The following CPE variants were observed in gnomAD, a reference collection of about 807,000 sequenced individuals.
CPE encodes carbocypeptidase E.
CPE carries 17 observed loss-of-function variants against 53.5 expected under a neutral mutation model. The observed-to-expected ratio is 0.32, with a 90% CI of 0.22 to 0.48. The LOEUF is 0.48. CPE is among the 20% of genes least tolerant of loss of function. The probability of loss-of-function intolerance (pLI) is 0.99; values close to 1 mark genes in which losing one functional copy is unlikely to be tolerated. For synonymous variants in CPE, 226 were observed against 228.8 expected (o/e 0.99, Z 0.11); for missense variants, 524 against 614.7 (o/e 0.85, Z 1.56).
Position 165,383,350 on chromosome 4 carries a change from T to G in CPE, c.307+3822T>G, listed in dbSNP as rs184529203. 4.6e-3 allele frequency among the ~76,000 whole-genome samples: 700 copies of G among 152,322 alleles called. 3 individuals are homozygous for G. Among genetic ancestry groups the G allele is most frequent in the Middle Eastern group, 6.8e-3 (2 of 294 alleles). Reference sequence around the variant, plus strand: ...ATTCAAACCCAAACATATGCCTTCCTAGGCATGTATATCCATCATCGAAAT... The same window carrying G: ...ATTCAAACCCAAACATATGCCTTCCGAGGCATGTATATCCATCATCGAAAT... On this transcript the variant is annotated intron_variant, in intron 1 of 8. Transcript: ENST00000402744.
At chr4:165,497,483 A>C in intron 8 of CPE, 29 bp from the exon 9 acceptor site, 3 of 1,289,762 alleles carry the variant, frequency 2.3e-6, no homozygotes, top group Non-Finnish European at 3.1e-6. Flanking sequence ...GCAGTTTGAT[A>C]ATAATATGTT....
intron 1 of CPE, among the ~76,000 whole-genome samples, chr4:165,459,178 C>G (rs1339021391): frequency 1.3e-5 from 2 of 152,172 alleles, no homozygotes; most frequent in Non-Finnish European, 2.9e-5. Context: ...CATATTAATA[C>G]AAATTGGGGC....
Position 165,467,792 on chromosome 4 carries a change from A to T in CPE, c.609A>T (p.Lys203Asn), listed in dbSNP as rs1560891047. Residue 203 changes from lysine to asparagine, a missense_variant, in exon 3 of 9, where the codon AAA becomes AAT. By Grantham distance (94) the Lys-to-Asn change is moderately conservative. Coordinates refer to ENST00000402744, the MANE Select transcript of CPE (RefSeq NM_001873.4). ...ATAGGATAGTGTACGTGAATGAGAA[A>T]GAAGGTGGTCCAAATAATCATCTGT... ...DLDRIVYVNEKEGGPNNHLLK... is the reference protein window; with the variant it reads ...DLDRIVYVNENEGGPNNHLLK... The T allele has an allele frequency of 1.9e-6, 3 of 1,613,812 alleles. No homozygotes were observed. The highest frequency in any genetic ancestry group is 3.3e-5 in the Admixed American group (2 of 59,980).
intron 1 of CPE, among the ~76,000 whole-genome samples, chr4:165,411,908 A>G (rs1731048393): frequency 6.6e-6 from 1 of 152,130 alleles, no homozygotes; most frequent in African/African-American, 2.4e-5. Flanking sequence ...GGGGCCAGAG[A>G]GTCTCTACGT....
At chr4:165,426,206 A>G (rs1731315313) in intron 1 of CPE, among the ~76,000 whole-genome samples, 1 of 152,238 alleles carries the variant, frequency 6.6e-6, no homozygotes, top group African/African-American at 2.4e-5. Flanking sequence ...CAAGAAGGAT[A>G]TGAAGCAAGC....
At chr4:165,389,177 G>A (rs1343118972) in intron 1 of CPE, among the ~76,000 whole-genome samples, 1 of 152,190 alleles carries the variant, frequency 6.6e-6, no homozygotes, top group African/African-American at 2.4e-5. Context: ...ATACTATGTA[G>A]CTAAATAGAC....
intron 1 of CPE, among the ~76,000 whole-genome samples, chr4:165,446,260 G>A (rs1327451170): frequency 6.6e-6 from 1 of 152,098 alleles, no homozygotes; most frequent in Non-Finnish European, 1.5e-5. Context: ...GTTGAAAAAT[G>A]CACAACATAA....
At chr4:165,473,454 G>C (rs1258514235) in intron 3 of CPE, among the ~76,000 whole-genome samples, 1 of 152,236 alleles carries the variant, frequency 6.6e-6, no homozygotes, top group East Asian at 1.9e-4. Context: ...AGAAGAATGA[G>C]GTTATCTGCA....
chr4:165,410,606 A>G (rs112327733), intron 1 of CPE, among the ~76,000 whole-genome samples: 33 of 152,318 alleles, frequency 2.2e-4, no homozygotes, highest in African/African-American at 7.9e-4. Context: ...AAATGGAAAG[A>G]AAAGAAAGGT....
At chr4:165,404,754 C>A (rs1730925793) in intron 1 of CPE, 5 of 789,700 alleles carry the variant, frequency 6.3e-6, no homozygotes, top group Non-Finnish European at 1.2e-5. Flanking sequence ...ACAATGATGA[C>A]CTTCCCCTGC....
intron 1 of CPE, chr4:165,381,233 A>G (rs765734336): frequency 3.5e-4 from 160 of 455,284 alleles, no homozygotes; most frequent in Middle Eastern, 6.5e-4. Context: ...TCTTTGCTTA[A>G]GTATCTGGAA....
intron 1 of CPE, among the ~76,000 whole-genome samples, chr4:165,417,527 T>C (rs904241373): frequency 4.6e-5 from 7 of 151,462 alleles, no homozygotes; most frequent in Non-Finnish European, 8.8e-5. Context: ...TGGCAGCCAT[T>C]CATTCATTCC....
chr4:165,424,777 A>C (rs540979821), intron 1 of CPE, among the ~76,000 whole-genome samples: 3 of 151,360 alleles, frequency 2.0e-5, no homozygotes, highest in African/African-American at 7.3e-5. Context: ...CTCGTGATCC[A>C]CCTGCCTCGG....
At chr4:165,429,287 T>C (rs13107292) in intron 1 of CPE, among the ~76,000 whole-genome samples, 44,948 of 152,104 alleles carry the variant, frequency 0.3, 6,736 homozygotes, top group Middle Eastern at 0.39. Flanking sequence ...GGAGTTATGA[T>C]TCTTTGGGGG....
At chr4:165,475,512 T>A (rs1303030936) in intron 3 of CPE, among the ~76,000 whole-genome samples, 2 of 152,150 alleles carry the variant, frequency 1.3e-5, no homozygotes, top group African/African-American at 2.4e-5. Flanking sequence ...AGTGTGTGTT[T>A]AAGAAGTTAC....
intron 8 of CPE, among the ~76,000 whole-genome samples, chr4:165,496,395 A>G (rs1226199581): frequency 1.3e-5 from 2 of 152,220 alleles, no homozygotes; most frequent in Non-Finnish European, 1.5e-5. Flanking sequence ...GTGTGCATGT[A>G]TGTCTACATT....
At chr4:165,437,933 G>A (rs1031074176) in intron 1 of CPE, among the ~76,000 whole-genome samples, 4 of 152,136 alleles carry the variant, frequency 2.6e-5, no homozygotes, top group Non-Finnish European at 4.4e-5. Context: ...CATTGCTTCA[G>A]GATGAGGTGT....
intron 1 of CPE, among the ~76,000 whole-genome samples, chr4:165,407,885 A>C (rs1328452486): frequency 1.3e-5 from 2 of 148,352 alleles, no homozygotes; most frequent in Non-Finnish European, 3.0e-5. Context: ...AAAGAGACGG[A>C]GTTCCGCTGT....
intron 1 of CPE, chr4:165,406,425 G>A (rs1417961328): frequency 5.9e-6 from 2 of 338,664 alleles, no homozygotes; most frequent in African/African-American, 2.1e-5. Context: ...CTTTTTAAAT[G>A]TATTATAACC....
Sources: allele counts gnomAD v4.1 joint callset (sites outside exome capture counted in the v4.1 genomes callset), GRCh38; gene constraint gnomAD v4.1.1; transcripts MANE v1.5; gene names NCBI Gene and HGNC (gene_info 2026-07-23, HGNC 2026-07-21).